Variants in GABBR2 observed in about 807,000 individuals in gnomAD.
GABBR2 encodes G-protein coupled receptor 51.
GABBR2 carries 23 observed loss-of-function variants against 105.6 expected under a neutral mutation model. The observed-to-expected ratio is 0.22, with a 90% CI of 0.16 to 0.31. GABBR2 has a LOEUF of 0.31. Ranked by LOEUF, GABBR2 falls within the 10% of genes least tolerant of loss-of-function variation. The pLI is 1.00. For missense variants in GABBR2, 734 were observed against 1,245.5 expected, an observed-to-expected ratio of 0.59 and a Z score of 6.18; for synonymous variants, 478 against 499.7, an observed-to-expected ratio of 0.96 and a Z score of 0.58.
intron 13 of GABBR2, among the ~76,000 whole-genome samples, chr9:98,348,697 A>C (rs1013362667): frequency 2.0e-5 from 3 of 152,162 alleles, no homozygotes; most frequent in African/African-American, 7.2e-5. Flanking sequence ...ATTATAAATG[A>C]AATTGCTTTA....
rs55760467 is a variant in GABBR2 at position 98,430,288 on chromosome 9, CAAAA to C, written c.1236+23689_1236+23692del. Among the ~76,000 whole-genome samples the C allele has an allele frequency of 6.1e-3, 545 of 88,942 alleles. 1 individual carries two copies. Among genetic ancestry groups the C allele is most frequent in the South Asian group, 0.026 (73 of 2,762 alleles). 58.3% of individuals were successfully genotyped at this position (88,942 alleles called of 152,430 possible). On this transcript the variant is annotated intron_variant, in intron 7 of 18. Transcript: ENST00000259455. ...CTGGCGACAGAGCGAGACTCCGTCT[CAAAA>C]AAAAAAAAAAAAAAAAAAGTTCCTT...
chr9:98,359,375 AG>A (rs1264992883), intron 13 of GABBR2, among the ~76,000 whole-genome samples: 1 of 152,178 alleles, frequency 6.6e-6, no homozygotes, highest in African/African-American at 2.4e-5. Flanking sequence ...TTGAGCAGCG[AG>A]CCAAGATCAT....
At chr9:98,444,493 T>A (rs1016653736) in intron 7 of GABBR2, among the ~76,000 whole-genome samples, 2 of 152,170 alleles carry the variant, frequency 1.3e-5, no homozygotes, top group Non-Finnish European at 2.9e-5. Flanking sequence ...TTAGAATGCT[T>A]CCTGGGATAC....
At chr9:98,647,279 C>T (rs140044725) in intron 1 of GABBR2, among the ~76,000 whole-genome samples, 176 of 152,264 alleles carry the variant, frequency 1.2e-3, no homozygotes, top group African/African-American at 4.0e-3. Context: ...TCTGACCCTG[C>T]GATTCAGCAA....
At position 98,708,799 on chromosome 9, in the gene GABBR2, C is replaced by T. The variant is rs1474048440; in HGVS notation, c.-62G>A. 1.8e-5 allele frequency: 17 copies of T among 960,998 alleles called. No individual in the cohort carries two copies. The highest frequency in any genetic ancestry group is 2.1e-5 in the Non-Finnish European group (17 of 809,730). 59.5% of individuals were successfully genotyped at this position (960,998 alleles called of 1,614,324 possible). On this transcript the variant is annotated 5_prime_UTR_variant, in exon 1 of 19. Coordinates refer to ENST00000259455, the MANE Select transcript of GABBR2 (RefSeq NM_005458.8). Reference sequence around the variant, plus strand: ...CCGCATGGCCTGGCCCGGCCCGCCGCCCCGCGCCAAGGTCTTCCCGCGGCG... The same window carrying T: ...CCGCATGGCCTGGCCCGGCCCGCCGTCCCGCGCCAAGGTCTTCCCGCGGCG...
In GABBR2 at chr9:98,290,568, C is replaced by T. The variant is rs781076596; in HGVS notation, c.*16G>A. 2.9e-6 allele frequency: 4 copies of T among 1,361,630 alleles called. No individual in the cohort carries two copies. Among genetic ancestry groups the T allele is most frequent in the African/African-American group, 1.5e-5 (1 of 66,474 alleles). The allele number at this position is 1,361,630 out of a possible 1,614,324, so 84.3% of individuals were successfully genotyped here. ...GTTCTGTCACGGGGGAGGCCCCGGG[C>T]CCAGGCCTCCCACCCTTACAGGCCC... On this transcript the variant is annotated 3_prime_UTR_variant, in exon 19 of 19. Coordinates refer to ENST00000259455, the MANE Select transcript of GABBR2 (RefSeq NM_005458.8).
At chr9:98,544,849 T>C (rs978162658) in intron 2 of GABBR2, among the ~76,000 whole-genome samples, 1 of 152,222 alleles carries the variant, frequency 6.6e-6, no homozygotes, top group Non-Finnish European at 1.5e-5. Flanking sequence ...CTGCCTTCAG[T>C]TGACATTTAG....
chr9:98,654,278 C>A (rs1352223827), intron 1 of GABBR2, among the ~76,000 whole-genome samples: 10 of 152,212 alleles, frequency 6.6e-5, no homozygotes, highest in African/African-American at 2.2e-4. Context: ...CAACTTTGGG[C>A]CCCTCTGCAC....
At chr9:98,346,313 C>T (rs529356290) in intron 13 of GABBR2, among the ~76,000 whole-genome samples, 1 of 152,338 alleles carries the variant, frequency 6.6e-6, no homozygotes, top group South Asian at 2.1e-4. Context: ...ATTCTAAGTT[C>T]TTTGTTGTCA....
intron 13 of GABBR2, among the ~76,000 whole-genome samples, chr9:98,320,884 C>T (rs916494360): frequency 4.0e-5 from 6 of 151,098 alleles, no homozygotes; most frequent in South Asian, 2.1e-4. Context: ...TACTAGATGA[C>T]GAGTTAGTGG....
intron 16 of GABBR2, among the ~76,000 whole-genome samples, chr9:98,300,634 A>G (rs1446307530): frequency 6.6e-6 from 1 of 152,180 alleles, no homozygotes; most frequent in African/African-American, 2.4e-5. Context: ...TATCTCTTGT[A>G]AGAGTCTTTT....
intron 1 of GABBR2, among the ~76,000 whole-genome samples, chr9:98,692,293 G>A (rs538524707): frequency 1.2e-4 from 19 of 152,288 alleles, no homozygotes; most frequent in Admixed American, 7.8e-4. Context: ...TCAGTGTCCA[G>A]CATGAGGTCA....
intron 4 of GABBR2, among the ~76,000 whole-genome samples, chr9:98,490,660 T>C (rs1827158725): frequency 6.6e-6 from 1 of 152,198 alleles, no homozygotes; most frequent in African/African-American, 2.4e-5. Flanking sequence ...TACCACATAT[T>C]CCTCCAACAA....
At chr9:98,673,595 AAC>A (rs1830433330) in intron 1 of GABBR2, among the ~76,000 whole-genome samples, 2 of 48,260 alleles carry the variant, frequency 4.1e-5, no homozygotes, top group Admixed American at 2.1e-4. Context: ...GAAAAAAAAA[AAC>A]AGGGAATAAA....
intron 1 of GABBR2, among the ~76,000 whole-genome samples, chr9:98,651,724 T>G (rs563592876): frequency 1.1e-4 from 16 of 152,188 alleles, no homozygotes; most frequent in Non-Finnish European, 1.9e-4. Context: ...GAGCCACCGC[T>G]CCTGGTCTAT....
intron 7 of GABBR2, among the ~76,000 whole-genome samples, chr9:98,446,345 GAAGA>G (rs1826129406): frequency 6.6e-6 from 1 of 152,128 alleles, no homozygotes; most frequent in South Asian, 2.1e-4. Context: ...CACTTTGAAA[GAAGA>G]AATATTTACC....
chr9:98,460,767 A>G (rs1209961531), intron 6 of GABBR2, among the ~76,000 whole-genome samples: 1 of 152,250 alleles, frequency 6.6e-6, no homozygotes, highest in Non-Finnish European at 1.5e-5. Context: ...TCCAACACAC[A>G]TCAATACACA....
intron 1 of GABBR2, among the ~76,000 whole-genome samples, chr9:98,681,128 A>ACT (rs1272217895): frequency 6.7e-6 from 1 of 148,744 alleles, no homozygotes; most frequent in African/African-American, 2.5e-5. Flanking sequence ...TGCTGCTATA[A>ACT]AGACACATGC....
chr9:98,327,861 T>C (rs1310855649), intron 13 of GABBR2, among the ~76,000 whole-genome samples: 1 of 130,422 alleles, frequency 7.7e-6, no homozygotes, highest in East Asian at 2.7e-4. Flanking sequence ...AGAGTGAGAC[T>C]GTCTCAAAAA....
Sources: allele counts gnomAD v4.1 joint callset (sites outside exome capture counted in the v4.1 genomes callset), GRCh38; gene constraint gnomAD v4.1.1; transcripts MANE v1.5; gene names NCBI Gene and HGNC (gene_info 2026-07-23, HGNC 2026-07-21).